SSBP3: variants seen among roughly 807,000 people sequenced by gnomAD.
SSBP3 encodes single-stranded DNA-binding protein 3.
SSBP3 carries 5 observed loss-of-function variants against 69.6 expected under a neutral mutation model. That is an observed-to-expected ratio of 0.07 (90% CI 0.04 to 0.15). The LOEUF (loss-of-function observed/expected upper bound fraction) is 0.15, where lower values mean the gene tolerates loss of function less well. Ranked by LOEUF, SSBP3 falls within the 10% of genes least tolerant of loss-of-function variation. SSBP3 has a pLI of 1.00. For synonymous variants in SSBP3, 196 were observed against 193.4 expected (o/e 1.01, Z -0.11); for missense variants, 312 against 534.0 (o/e 0.58, Z 4.10).
intron 4 of SSBP3, among the ~76,000 whole-genome samples, chr1:54,291,400 G>A (rs900743885): frequency 2.6e-5 from 4 of 152,160 alleles, no homozygotes; most frequent in African/African-American, 9.7e-5. Context: ...TAAATGAACA[G>A]TCGGGAGCCC....
Position 54,288,027 on chromosome 1 carries a change from G to A in SSBP3, c.277-6500C>T, listed in dbSNP as rs954374665. Among the ~76,000 whole-genome samples, 89 of 152,278 alleles carry A rather than the reference G, an allele frequency of 5.8e-4. 1 individual carries two copies. Among genetic ancestry groups the A allele is most frequent in the African/African-American group, 2.0e-3 (83 of 41,550 alleles). On this transcript the variant is annotated intron_variant, in intron 4 of 17. Coordinates refer to ENST00000610401, the Ensembl canonical transcript of SSBP3. The stretch of plus-strand genomic sequence containing the variant: ...GGGAGGAGGGATGGATGTGTCTCCC[G>A]GCACCAATGGACGGCCCTGGGTCCA...
intron 4 of SSBP3, among the ~76,000 whole-genome samples, chr1:54,298,960 C>T (rs1056786582): frequency 4.6e-5 from 7 of 151,600 alleles, no homozygotes; most frequent in African/African-American, 1.7e-4. Context: ...CACACACACA[C>T]GAGCTCTGTT....
At chr1:54,324,775 C>T (rs956995221) in intron 4 of SSBP3, among the ~76,000 whole-genome samples, 1 of 152,184 alleles carries the variant, frequency 6.6e-6, no homozygotes. Flanking sequence ...ATCCAGTGGC[C>T]CCGCTGTGAT....
intron 4 of SSBP3, among the ~76,000 whole-genome samples, chr1:54,365,290 C>T (rs1445137847): frequency 6.6e-6 from 1 of 152,130 alleles, no homozygotes; most frequent in South Asian, 2.1e-4. Flanking sequence ...GCCACAGGTA[C>T]GACAGGGTGA....
chr1:54,407,720 G>T (rs1348174132), upstream of SSBP3, among the ~76,000 whole-genome samples: 1 of 149,528 alleles, frequency 6.7e-6, no homozygotes. Context: ...ACATCTTTAG[G>T]GGAGCCTTGA....
intron 4 of SSBP3, among the ~76,000 whole-genome samples, chr1:54,386,682 A>ATTTTTTTTTTTTTTTTTTTTT (rs1648104342): frequency 1.8e-5 from 1 of 55,046 alleles, no homozygotes; most frequent in Non-Finnish European, 3.1e-5. Context: ...AACTGATCCT[A>ATTTTTTTTTTTTTTTTTTTTT]CTTTTTTTTT....
intron 4 of SSBP3, among the ~76,000 whole-genome samples, chr1:54,288,618 C>T (rs1645536559): frequency 6.6e-6 from 1 of 151,760 alleles, no homozygotes; most frequent in South Asian, 2.1e-4. Context: ...TATTCCCCAA[C>T]ATCGCTGGGA....
intron 4 of SSBP3, among the ~76,000 whole-genome samples, chr1:54,323,920 T>TC (rs1646257249): frequency 6.6e-6 from 1 of 152,062 alleles, no homozygotes; most frequent in Non-Finnish European, 1.5e-5. Flanking sequence ...ATCCTATGTG[T>TC]CCCCCCAGAG....
At chr1:54,397,796 G>A (rs754109475) in intron 4 of SSBP3, among the ~76,000 whole-genome samples, 2 of 152,132 alleles carry the variant, frequency 1.3e-5, no homozygotes, top group Non-Finnish European at 2.9e-5. Flanking sequence ...CCTTTATGAG[G>A]GCTTTCTGGA....
At chr1:54,257,923 A>T in intron 6 of SSBP3, 146 bp downstream of exon 6, 1 of 731,900 alleles carries the variant, frequency 1.4e-6, no homozygotes, top group Non-Finnish European at 2.0e-6. Context: ...TTTAGAAAAA[A>T]GAAATTTCTA....
intron 4 of SSBP3, among the ~76,000 whole-genome samples, chr1:54,361,310 G>A (rs1646948388): frequency 6.6e-6 from 1 of 152,144 alleles, no homozygotes. Context: ...CCTGGCCTGT[G>A]CTAACTATAA....
At chr1:54,329,441 G>T (rs1189438457) in intron 4 of SSBP3, among the ~76,000 whole-genome samples, 1 of 152,224 alleles carries the variant, frequency 6.6e-6, no homozygotes. Context: ...ATTACTGCAT[G>T]TGACAGTCCC....
chr1:54,354,140 G>T (rs1324500756), intron 4 of SSBP3, among the ~76,000 whole-genome samples: 1 of 152,218 alleles, frequency 6.6e-6, no homozygotes, highest in East Asian at 1.9e-4. Context: ...TAGAAAGCCT[G>T]GAGCCAGCGC....
chr1:54,315,559 T>C (rs1018105806), intron 4 of SSBP3, among the ~76,000 whole-genome samples: 3 of 151,806 alleles, frequency 2.0e-5, no homozygotes, highest in East Asian at 3.9e-4. Context: ...CATTTATCTA[T>C]TGCTAGCCTC....
At chr1:54,347,714 T>C (rs1244376682) in intron 4 of SSBP3, among the ~76,000 whole-genome samples, 1 of 152,008 alleles carries the variant, frequency 6.6e-6, no homozygotes, top group East Asian at 1.9e-4. Flanking sequence ...CACAGGGAGG[T>C]GCCATGTGAT....
intron 4 of SSBP3, among the ~76,000 whole-genome samples, chr1:54,297,015 C>T (rs1322816951): frequency 1.3e-5 from 2 of 152,296 alleles, no homozygotes; most frequent in Admixed American, 6.5e-5. Context: ...ATTTTATATC[C>T]GACCTATCTT....
chr1:54,328,606 T>C (rs774180095), intron 4 of SSBP3, among the ~76,000 whole-genome samples: 4 of 152,168 alleles, frequency 2.6e-5, no homozygotes, highest in Non-Finnish European at 4.4e-5. Context: ...CCTAACAGTG[T>C]TTTGACATCT....
At chr1:54,408,295 TAC>T (rs1205932747), upstream of SSBP3, among the ~76,000 whole-genome samples, 6 of 152,122 alleles carry the variant, frequency 3.9e-5, no homozygotes, top group Admixed American at 1.3e-4. Flanking sequence ...AGGAAATAAT[TAC>T]AGTTATTTTT....
intron 7 of SSBP3, among the ~76,000 whole-genome samples, chr1:54,256,055 G>GTGC (rs1644915264): frequency 6.6e-6 from 1 of 151,762 alleles, no homozygotes. Context: ...CAGCCTGGGA[G>GTGC]ACAGAGCGAG....
Sources: allele counts gnomAD v4.1 joint callset (sites outside exome capture counted in the v4.1 genomes callset), GRCh38; gene constraint gnomAD v4.1.1; transcripts MANE v1.5; gene names NCBI Gene and HGNC (gene_info 2026-07-23, HGNC 2026-07-21).